Variants in SCRG1 observed in about 807,000 individuals in gnomAD.
SCRG1 encodes stimulator of chondrogenesis 1, also known as scrapie-responsive protein 1.
Under a neutral mutation model 7.7 loss-of-function variants are expected in SCRG1, and 3 were observed. The ratio of observed to expected loss-of-function variants is 0.39; its 90% CI spans 0.18 to 1.01. The LOEUF (loss-of-function observed/expected upper bound fraction) is 1.01, where lower values mean the gene tolerates loss of function less well. Ranked by LOEUF, SCRG1 falls within the 50% of genes least tolerant of loss-of-function variation. SCRG1 has a pLI of 0.36. For missense variants in SCRG1, 110 were observed against 117.2 expected (o/e 0.94, Z 0.28); for synonymous variants, 46 against 41.2 (o/e 1.12, Z -0.44).
chr4:173,492,180 CA>C, the SCRG1 span, among the ~76,000 whole-genome samples: 3,456 of 152,080 alleles, frequency 0.023, 123 homozygotes, highest in African/African-American at 0.076. Flanking sequence ...AATCAAGTAT[CA>C]AAACAGGCAG....
At chr4:173,505,761 G>A in the SCRG1 span, among the ~76,000 whole-genome samples, 1 of 152,198 alleles carries the variant, frequency 6.6e-6, no homozygotes, top group Non-Finnish European at 1.5e-5. The surrounding 1 kb of genome is among the most constrained non-coding windows in gnomAD (Gnocchi z 4.4). Flanking sequence ...GAAAGAAGGC[G>A]TGAAGCAACG....
upstream of SCRG1, among the ~76,000 whole-genome samples, chr4:173,410,669 C>T (rs1223891737): frequency 6.6e-6 from 1 of 152,156 alleles, no homozygotes; most frequent in Non-Finnish European, 1.5e-5. Flanking sequence ...CCAAATTTTT[C>T]GTCCTAAACT....
rs771899788 is a variant in SCRG1 at position 173,391,124 on chromosome 4, G to T, written c.242+49C>A. The T allele has an allele frequency of 3.8e-6, 6 of 1,599,012 alleles. No individual in the cohort carries two copies. In the South Asian group the frequency reaches 5.5e-5, roughly 15 times the overall value. ...TATTATGAAGATGTAGCTAAAAGTT[G>T]TTCTGCATACATTTCCAGGCAATAC... On this transcript the variant is annotated intron_variant, in intron 2 of 2. Transcript: ENST00000296506.
chr4:173,511,581 G>A, the SCRG1 span, among the ~76,000 whole-genome samples: 1 of 152,024 alleles, frequency 6.6e-6, no homozygotes, highest in African/African-American at 2.4e-5. The surrounding 1 kb of genome is among the most constrained non-coding windows in gnomAD (Gnocchi z 5.2). Context: ...TCATGAATGA[G>A]TGCTACATTC....
At chr4:173,488,533 G>A in the SCRG1 span, among the ~76,000 whole-genome samples, 1 of 152,172 alleles carries the variant, frequency 6.6e-6, no homozygotes, top group African/African-American at 2.4e-5. Flanking sequence ...TGAGTTAGCT[G>A]TGTAGAAACT....
chr4:173,490,708 A>C, the SCRG1 span, among the ~76,000 whole-genome samples: 1 of 152,228 alleles, frequency 6.6e-6, no homozygotes, highest in East Asian at 1.9e-4. Flanking sequence ...AAAATGAAAC[A>C]AAAATTAACA....
intron 2 of SCRG1, among the ~76,000 whole-genome samples, 192 bp from the exon 3 acceptor site, chr4:173,388,587 T>C (rs1457405820): frequency 4.6e-5 from 7 of 152,250 alleles, no homozygotes; most frequent in African/African-American, 1.4e-4. Context: ...AATCGATTTG[T>C]CTACTTTCCC....
the SCRG1 span, among the ~76,000 whole-genome samples, chr4:173,517,621 G>A: frequency 6.6e-6 from 1 of 152,178 alleles, no homozygotes; most frequent in South Asian, 2.1e-4. Flanking sequence ...TGACCGGATT[G>A]TTTCTGGTAT....
chr4:173,443,966 TG>T, the SCRG1 span, among the ~76,000 whole-genome samples: 1 of 151,426 alleles, frequency 6.6e-6, no homozygotes. Context: ...TGTGTGTGTG[TG>T]TGTGTGTGTG....
the SCRG1 span, among the ~76,000 whole-genome samples, chr4:173,484,623 T>C: frequency 5.3e-4 from 51 of 96,750 alleles, 1 homozygote; most frequent in Admixed American, 1.1e-3. Context: ...TATATGCATG[T>C]AATATATATT....
the SCRG1 span, among the ~76,000 whole-genome samples, chr4:173,432,457 C>CT: frequency 6.6e-6 from 1 of 151,584 alleles, no homozygotes; most frequent in Non-Finnish European, 1.5e-5. Flanking sequence ...TCTCCTGTCT[C>CT]TCCCCACTCC....
chr4:173,419,917 A>G, the SCRG1 span: 1 of 830,878 alleles, frequency 1.2e-6, no homozygotes, highest in Non-Finnish European at 2.0e-6. Flanking sequence ...CCTTCACACC[A>G]TATTTTGTGC....
chr4:173,419,821 G>C, the SCRG1 span: 1 of 1,438,420 alleles, frequency 7.0e-7, no homozygotes, highest in Non-Finnish European at 9.6e-7. Context: ...GGCCTTCATA[G>C]ATCTTGTCCA....
chr4:173,513,076 T>C, the SCRG1 span, among the ~76,000 whole-genome samples: 5 of 152,194 alleles, frequency 3.3e-5, no homozygotes, highest in Non-Finnish European at 5.9e-5. Context: ...CTCTCTATGG[T>C]AGGAGAAAAT....
chr4:173,479,618 T>C, the SCRG1 span, among the ~76,000 whole-genome samples: 3 of 151,948 alleles, frequency 2.0e-5, no homozygotes, highest in Non-Finnish European at 4.4e-5. Flanking sequence ...TTTTTGTATT[T>C]TTAGTAGAGA....
chr4:173,479,992 G>C, the SCRG1 span, among the ~76,000 whole-genome samples: 21 of 151,812 alleles, frequency 1.4e-4, no homozygotes, highest in Non-Finnish European at 1.5e-4. Flanking sequence ...TTTTGTGAGA[G>C]AGCCTCTCGG....
chr4:173,514,266 A>G, the SCRG1 span, among the ~76,000 whole-genome samples: 6 of 152,206 alleles, frequency 3.9e-5, no homozygotes, highest in Non-Finnish European at 5.9e-5. Context: ...AGGATCGTAG[A>G]CTTGGAGGAC....
At chr4:173,492,878 A>G in the SCRG1 span, among the ~76,000 whole-genome samples, 2 of 152,266 alleles carry the variant, frequency 1.3e-5, no homozygotes, top group East Asian at 3.9e-4. Context: ...CAGTTTTTAC[A>G]CTTCTAGGCC....
chr4:173,413,678 C>A, the SCRG1 span, among the ~76,000 whole-genome samples: 1 of 152,152 alleles, frequency 6.6e-6, no homozygotes, highest in Non-Finnish European at 1.5e-5. Context: ...GAACTGTGAT[C>A]CATCTGAAGA....
Sources: allele counts gnomAD v4.1 joint callset (sites outside exome capture counted in the v4.1 genomes callset), GRCh38; gene constraint gnomAD v4.1.1; non-coding constraint Gnocchi (gnomAD v3.1); transcripts MANE v1.5; gene names NCBI Gene and HGNC (gene_info 2026-07-23, HGNC 2026-07-21).